RYR3: variants seen among roughly 807,000 people sequenced by gnomAD.
RYR3 encodes brain ryanodine receptor-calcium release channel.
RYR3 carries 207 observed loss-of-function variants against 584.3 expected under a neutral mutation model. That is an observed-to-expected ratio of 0.35 (90% CI 0.32 to 0.40). RYR3 has a LOEUF of 0.40. RYR3 is among the 10% of genes least tolerant of loss of function. The pLI, the probability that RYR3 is intolerant of heterozygous loss-of-function variation, is 1.00. For synonymous variants in RYR3, 2,416 were observed against 2,248.5 expected (o/e 1.07, Z -2.11); for missense variants, 5,616 against 6,089.2 (o/e 0.92, Z 2.59).
chr15:33,746,834 G>T (rs187706630), intron 53 of RYR3, among the ~76,000 whole-genome samples: 1,743 of 147,542 alleles, frequency 0.012, 23 homozygotes, highest in Non-Finnish European at 0.018. Flanking sequence ...TTTGAGGCAG[G>T]GTCTCGTTCT....
chr15:33,596,974 A>G (rs2059409323), intron 16 of RYR3, among the ~76,000 whole-genome samples: 1 of 152,198 alleles, frequency 6.6e-6, no homozygotes, highest in Non-Finnish European at 1.5e-5. Context: ...GAAATAGACA[A>G]TAACAGTTCT....
chr15:33,543,476 A>G (rs1031225788), intron 7 of RYR3, 146 bp from the exon 8 acceptor site: 58 of 646,146 alleles, frequency 9.0e-5, no homozygotes, highest in Non-Finnish European at 1.5e-4. Context: ...TGAGGCCTGC[A>G]TTCATGGAAT....
intron 65 of RYR3, among the ~76,000 whole-genome samples, chr15:33,782,663 G>T (rs1169153871): frequency 6.6e-6 from 1 of 152,174 alleles, no homozygotes; most frequent in African/African-American, 2.4e-5. Flanking sequence ...AATGTATAAG[G>T]TGACAGGTGA....
intron 2 of RYR3, among the ~76,000 whole-genome samples, chr15:33,481,828 C>T (rs149906114): frequency 0.022 from 3,156 of 145,880 alleles, 55 homozygotes; most frequent in Non-Finnish European, 0.028. Context: ...AAATATAAAT[C>T]GTTAACTTAT....
chr15:33,568,717 C>T (rs1293362474), intron 12 of RYR3, among the ~76,000 whole-genome samples: 8 of 152,168 alleles, frequency 5.3e-5, no homozygotes, highest in Non-Finnish European at 1.2e-4. Context: ...AGGCATGAGC[C>T]ACCATCCCTG....
chr15:33,386,776 A>G (rs2041630802), intron 1 of RYR3, among the ~76,000 whole-genome samples: 1 of 152,212 alleles, frequency 6.6e-6, no homozygotes, highest in Admixed American at 6.5e-5. Context: ...GCGGAATTGT[A>G]GAGTGTTGGT....
intron 1 of RYR3, among the ~76,000 whole-genome samples, chr15:33,449,566 T>C (rs1472203299): frequency 6.6e-6 from 1 of 152,192 alleles, no homozygotes; most frequent in Non-Finnish European, 1.5e-5. Context: ...GAATATTAAA[T>C]ATATTATAGA....
chr15:33,814,008 C>A (rs1283307374), intron 74 of RYR3, among the ~76,000 whole-genome samples: 1 of 152,206 alleles, frequency 6.6e-6, no homozygotes, highest in African/African-American at 2.4e-5. Flanking sequence ...TCAGCAGGTA[C>A]AGAAATGTAA....
chr15:33,474,777 C>T (rs1178166919), intron 2 of RYR3, among the ~76,000 whole-genome samples: 2 of 152,282 alleles, frequency 1.3e-5, no homozygotes, highest in East Asian at 3.9e-4. Flanking sequence ...CATAAACATA[C>T]ACAACACAGA....
chr15:33,779,260 C>A (rs888017011), intron 64 of RYR3, among the ~76,000 whole-genome samples: 1 of 151,586 alleles, frequency 6.6e-6, no homozygotes, highest in South Asian at 2.1e-4. Flanking sequence ...GGAGTCTTGC[C>A]CTGTCACCAA....
chr15:33,414,235 A>C (rs2043616875), intron 1 of RYR3, among the ~76,000 whole-genome samples: 2 of 152,234 alleles, frequency 1.3e-5, no homozygotes, highest in Non-Finnish European at 2.9e-5. Flanking sequence ...GAATGTGATT[A>C]AAAAGAGGCA....
Position 33,786,002 on chromosome 15 carries a change from C to T in RYR3, c.9589+20C>T, listed in dbSNP as rs374811347. On this transcript the variant is annotated intron_variant, in intron 66 of 103. Transcript: ENST00000634891. The stretch of plus-strand genomic sequence containing the variant: ...TTGCAGGTACCGACCCCTTTCTCCC[C>T]AGTCCCCAGCCCAGGGGCCAAGATA... 5.9e-6 allele frequency: 9 copies of T among 1,516,406 alleles called. No individual in the cohort carries two copies. Among genetic ancestry groups the T allele is most frequent in the Non-Finnish European group, 8.0e-6 (9 of 1,127,788 alleles). The allele number at this position is 1,516,406 out of a possible 1,614,324, so 93.9% of individuals were successfully genotyped here.
At chr15:33,437,152 G>A (rs1417563633) in intron 1 of RYR3, among the ~76,000 whole-genome samples, 2 of 118,184 alleles carry the variant, frequency 1.7e-5, no homozygotes, top group African/African-American at 7.0e-5. Context: ...GTGTGTGTGT[G>A]TGTGAAAATT....
chr15:33,583,160 G>C (rs2058678902), intron 14 of RYR3, among the ~76,000 whole-genome samples: 1 of 152,184 alleles, frequency 6.6e-6, no homozygotes, highest in Non-Finnish European at 1.5e-5. Flanking sequence ...AGTAAAGCTG[G>C]ATGAGGCCTG....
intron 60 of RYR3, among the ~76,000 whole-genome samples, chr15:33,761,771 T>C (rs947724206): frequency 2.6e-5 from 4 of 152,338 alleles, no homozygotes; most frequent in African/African-American, 9.6e-5. Flanking sequence ...AGCATTATTC[T>C]GGTACCAAAA....
intron 11 of RYR3, 125 bp from the exon 12 acceptor site, chr15:33,566,553 T>C: frequency 1.9e-6 from 2 of 1,027,284 alleles, no homozygotes; most frequent in South Asian, 1.5e-5. Context: ...ATTCTCAAAA[T>C]GGACCCAAGA....
chr15:33,569,529 G>GA (rs1386775712), intron 12 of RYR3, among the ~76,000 whole-genome samples: 2 of 152,138 alleles, frequency 1.3e-5, no homozygotes, highest in East Asian at 1.9e-4. Flanking sequence ...ATCTCACTTA[G>GA]CAAAATATCT....
rs749664060 is a variant in RYR3 at position 33,865,248 on chromosome 15, CAATTCTGGA to C, written c.*23_*31del. ...ATAAATCTGAATCAAAGAAGCGCGA[CAATTCTGGA>C]CAGTCAACTTCCCATGAAATAAAGT... is the stretch of plus-strand genomic sequence containing the variant. On this transcript the variant is annotated 3_prime_UTR_variant, in exon 104 of 104. Coordinates refer to ENST00000634891, the MANE Select transcript of RYR3 (RefSeq NM_001036.6). The C allele has an allele frequency of 1.6e-4, 239 of 1,523,826 alleles. No individual in the cohort carries two copies. The highest frequency in any genetic ancestry group is 2.1e-4 in the Non-Finnish European group (234 of 1,105,064). 94.4% of individuals were successfully genotyped at this position (1,523,826 alleles called of 1,614,324 possible).
intron 1 of RYR3, among the ~76,000 whole-genome samples, chr15:33,343,488 C>A (rs1331320976): frequency 1.3e-5 from 2 of 152,094 alleles, no homozygotes; most frequent in African/African-American, 4.8e-5. Flanking sequence ...TTTATGCCTC[C>A]TCCCATCCCC....
Sources: gnomAD v4.1 joint callset for allele counts (sites outside exome capture counted in the v4.1 genomes callset) on GRCh38, gnomAD v4.1.1 for gene constraint, MANE v1.5 for transcripts, NCBI Gene and HGNC (gene_info 2026-07-23, HGNC 2026-07-21) for gene names.